Variants in UNC5D observed in about 807,000 individuals in gnomAD.
UNC5D encodes unc-5 netrin receptor D.
UNC5D carries 39 observed loss-of-function variants against 105.4 expected under a neutral mutation model. The ratio of observed to expected loss-of-function variants is 0.37; its 90% CI spans 0.29 to 0.48. The LOEUF is 0.48. UNC5D is among the 20% of genes least tolerant of loss of function. UNC5D has a pLI of 0.98. For missense variants in UNC5D, 991 were observed against 1,202.4 expected (o/e 0.82, Z 2.60); for synonymous variants, 452 against 450.4 (o/e 1.00, Z -0.04).
intron 14 of UNC5D, among the ~76,000 whole-genome samples, chr8:35,765,654 A>G (rs749079586): frequency 4.9e-4 from 75 of 152,312 alleles, no homozygotes; most frequent in Non-Finnish European, 4.0e-4. Context: ...GAAGCAAGGT[A>G]TCCAAACAAG....
intron 3 of UNC5D, among the ~76,000 whole-genome samples, chr8:35,590,880 C>A (rs1819123518): frequency 6.6e-6 from 1 of 152,068 alleles, no homozygotes; most frequent in Admixed American, 6.6e-5. Context: ...GTCCTGAGAT[C>A]TATGATCCAG....
chr8:35,261,642 G>T (rs569726208), intron 1 of UNC5D, among the ~76,000 whole-genome samples: 19 of 151,928 alleles, frequency 1.3e-4, no homozygotes, highest in Admixed American at 5.2e-4. Context: ...AGGGGGGTGG[G>T]GGGCGTGTGT....
chr8:35,458,178 C>CAGGA (rs1808628864), intron 1 of UNC5D, among the ~76,000 whole-genome samples: 1 of 152,152 alleles, frequency 6.6e-6, no homozygotes, highest in Non-Finnish European at 1.5e-5. Context: ...TTAGAGGTTG[C>CAGGA]CCAGGGCAAG....
intron 1 of UNC5D, among the ~76,000 whole-genome samples, chr8:35,339,367 TC>T (rs1475164874): frequency 6.6e-6 from 1 of 152,208 alleles, no homozygotes; most frequent in Non-Finnish European, 1.5e-5. Flanking sequence ...TACTTTGAGG[TC>T]GTGAACATGG....
At chr8:35,537,531 A>G (rs1207855837) in intron 1 of UNC5D, among the ~76,000 whole-genome samples, 3 of 152,114 alleles carry the variant, frequency 2.0e-5, no homozygotes, top group African/African-American at 7.2e-5. Flanking sequence ...AGTGAAAATA[A>G]TTATCTGGGC....
At chr8:35,789,895 AACACACACACACACACACAC>A (rs56702865) in intron 16 of UNC5D, among the ~76,000 whole-genome samples, 6 of 142,680 alleles carry the variant, frequency 4.2e-5, no homozygotes, top group Admixed American at 7.0e-5. Context: ...TCAAGAAGAA[AACACACACACACACACACAC>A]ACACACACAC....
At chr8:35,582,274 G>T (rs192413335) in intron 3 of UNC5D, among the ~76,000 whole-genome samples, 21 of 152,162 alleles carry the variant, frequency 1.4e-4, no homozygotes, top group Middle Eastern at 3.4e-3. Context: ...CTATTTCACC[G>T]CCATTGTTCA....
At chr8:35,619,869 ACC>A (rs1821247720) in intron 4 of UNC5D, among the ~76,000 whole-genome samples, 1 of 152,166 alleles carries the variant, frequency 6.6e-6, no homozygotes, top group African/African-American at 2.4e-5. Flanking sequence ...TTTCTACTGC[ACC>A]TGTTGCACGG....
At chr8:35,546,414 C>T (rs1815682472) in intron 1 of UNC5D, among the ~76,000 whole-genome samples, 1 of 152,056 alleles carries the variant, frequency 6.6e-6, no homozygotes, top group African/African-American at 2.4e-5. Flanking sequence ...TGATCTAGTC[C>T]CTTTATTTAT....
intron 10 of UNC5D, among the ~76,000 whole-genome samples, chr8:35,728,595 C>A (rs1023773976): frequency 6.6e-6 from 1 of 152,128 alleles, no homozygotes. Context: ...AAAACATATG[C>A]TCTGTTATTT....
At chr8:35,499,727 G>C (rs1811849502) in intron 1 of UNC5D, among the ~76,000 whole-genome samples, 1 of 152,280 alleles carries the variant, frequency 6.6e-6, no homozygotes, top group South Asian at 2.1e-4. Flanking sequence ...TTTATAAGCA[G>C]CATGGAACAG....
At chr8:35,736,913 G>T (rs998260659) in intron 11 of UNC5D, among the ~76,000 whole-genome samples, 6 of 152,154 alleles carry the variant, frequency 3.9e-5, no homozygotes, top group Admixed American at 3.3e-4. Flanking sequence ...GTGGGTAGGG[G>T]TGAGTGAGGC....
At chr8:35,754,803 A>G (rs1830441440) in intron 13 of UNC5D, among the ~76,000 whole-genome samples, 1 of 152,210 alleles carries the variant, frequency 6.6e-6, no homozygotes, top group South Asian at 2.1e-4. Flanking sequence ...TTTCCTTGAC[A>G]AAAACAAAAT....
At chr8:35,709,135 T>A (rs563799301) in intron 8 of UNC5D, among the ~76,000 whole-genome samples, 2 of 152,104 alleles carry the variant, frequency 1.3e-5, no homozygotes, top group South Asian at 4.2e-4. Flanking sequence ...ACCCATCCCT[T>A]CTTTCCTTCA....
chr8:35,461,258 T>C (rs979210129), intron 1 of UNC5D, among the ~76,000 whole-genome samples: 5 of 152,204 alleles, frequency 3.3e-5, no homozygotes, highest in African/African-American at 1.2e-4. Context: ...GAAAAGTTCA[T>C]ATCCATTGTT....
At chr8:35,734,673 G>C (rs1586556399) in intron 11 of UNC5D, among the ~76,000 whole-genome samples, 1 of 152,196 alleles carries the variant, frequency 6.6e-6, no homozygotes, top group Admixed American at 6.5e-5. Context: ...GCATCCCCAA[G>C]TGCTGGGATT....
intron 8 of UNC5D, among the ~76,000 whole-genome samples, chr8:35,708,729 TAC>T (rs144517927): frequency 1.9e-3 from 286 of 152,312 alleles, no homozygotes; most frequent in African/African-American, 6.5e-3. Flanking sequence ...CTCAATACTA[TAC>T]AGTCTCTCTT....
chr8:35,669,290 T>G (rs970707614), intron 4 of UNC5D, among the ~76,000 whole-genome samples: 2 of 151,416 alleles, frequency 1.3e-5, no homozygotes, highest in Non-Finnish European at 2.9e-5. Context: ...TTTCTTGTTC[T>G]CTCTTTTTCT....
intron 1 of UNC5D, among the ~76,000 whole-genome samples, chr8:35,372,287 T>C (rs897370812): frequency 1.3e-5 from 2 of 151,250 alleles, no homozygotes; most frequent in African/African-American, 4.9e-5. Context: ...CCATACCTGG[T>C]TACGTTTTTG....
Sources: allele counts gnomAD v4.1 joint callset (sites outside exome capture counted in the v4.1 genomes callset), GRCh38; gene constraint gnomAD v4.1.1; transcripts MANE v1.5; gene names NCBI Gene and HGNC (gene_info 2026-07-23, HGNC 2026-07-21).